The following FAM3A variants were observed in gnomAD, a reference collection of about 807,000 sequenced individuals.
The protein encoded by FAM3A is protein FAM3A.
In FAM3A, 5 loss-of-function variants were observed where a neutral mutation model predicts 18.1. That is an observed-to-expected ratio of 0.28 (90% CI 0.14 to 0.58). The LOEUF (loss-of-function observed/expected upper bound fraction) is 0.58, where lower values mean the gene tolerates loss of function less well. Among genes scored for constraint, FAM3A ranks in the 20% least tolerant of loss-of-function variants. The pLI is 0.91. For missense variants in FAM3A, 154 were observed against 216.6 expected (o/e 0.71, Z 1.81); for synonymous variants, 108 against 90.2 (o/e 1.20, Z -1.12).
At position 154,512,854 on chromosome X, in the gene FAM3A, A is replaced by C; in HGVS notation, c.96T>G (p.Ser32Arg). 1 of 1,210,352 alleles carries C rather than the reference A, an allele frequency of 8.3e-7. No individual in the cohort carries two copies. The highest frequency in any genetic ancestry group is 1.1e-6 in the Non-Finnish European group (1 of 893,985). Residue 32 changes from serine to arginine, a missense_variant, in exon 2 of 9, where the codon AGT becomes AGG. Ser to Arg is a moderately radical substitution (Grantham distance 110). Around this residue, in one of 3 missense-constraint regions of FAM3A, gnomAD observed 112 missense variants for 160.0 expected, o/e 0.70. Coordinates refer to ENST00000447601, the MANE Select transcript of FAM3A (RefSeq NM_021806.4). ...VVSILLGGPGSGFPRIQQLFT... is the reference protein window; with the variant it reads ...VVSILLGGPGRGFPRIQQLFT... The stretch of plus-strand genomic sequence containing the variant: ...AGAGTTGCTGGATGCGAGGAAAGCC[A>C]CTGCCAGGCCCACCCAGGAGGATGC...
chrX:154,506,627 CAGCCCCCAT>C lies in FAM3A; in HGVS notation c.*175_*183del. The stretch of plus-strand genomic sequence containing the variant: ...CAAAGTGCGGCAGGGCTACCCCCTG[CAGCCCCCAT>C]AGCCCCCACCACCTTGAGACCACGT... On this transcript the variant is annotated 3_prime_UTR_variant, in exon 9 of 9. Coordinates refer to ENST00000447601, the MANE Select transcript of FAM3A (RefSeq NM_021806.4). 2.3e-6 allele frequency: 1 copy of C among 438,767 alleles called. No individual in the cohort carries two copies. Among genetic ancestry groups the C allele is most frequent in the Non-Finnish European group, 4.0e-6 (1 of 250,382 alleles). The allele number at this position is 438,767 out of a possible 1,213,427, so 36.2% of individuals were successfully genotyped here.
At chrX:154,507,138 G>A (rs1020310819) in intron 8 of FAM3A, 65 bp downstream of exon 8, 72 of 1,149,340 alleles carry the variant, frequency 6.3e-5, no homozygotes, top group Admixed American at 2.1e-4. Flanking sequence ...GGGGAGGCTC[G>A]TCGCATGCAG....
chrX:154,507,680 C>A (rs1462945089), intron 6 of FAM3A, 131 bp downstream of exon 6: 17 of 843,131 alleles, frequency 2.0e-5, no homozygotes, highest in Admixed American at 5.3e-5. Flanking sequence ...GCTGGCGATG[C>A]CCCTGTCCTT....
intron 6 of FAM3A, 145 bp downstream of exon 6, chrX:154,507,666 C>G (rs904584906): frequency 3.6e-6 from 3 of 822,986 alleles, no homozygotes; most frequent in Admixed American, 5.3e-5. Flanking sequence ...AGCCTCCAGA[C>G]CAAGCTGGCG....
intron 3 of FAM3A, chrX:154,509,469 G>A (rs1190493680): frequency 8.8e-6 from 1 of 113,311 alleles, no homozygotes; most frequent in African/African-American, 3.2e-5. Context: ...AGGAAGTGTG[G>A]TGCTTAGGTA....
chrX:154,507,554 C>G, intron 6 of FAM3A, 64 bp from the exon 7 acceptor site: 3 of 1,081,166 alleles, frequency 2.8e-6, no homozygotes, highest in Non-Finnish European at 3.8e-6. Flanking sequence ...CCCACAAGCC[C>G]GTTCTCCAAA....
intron 1 of FAM3A, among the ~76,000 whole-genome samples, chrX:154,514,367 C>T (rs1327098907): frequency 2.7e-5 from 3 of 111,249 alleles, no homozygotes; most frequent in Non-Finnish European, 5.7e-5. Flanking sequence ...CCTCAGCCTC[C>T]CAAGTAGCTG....
At chrX:154,511,781 C>G in intron 3 of FAM3A, 67 bp downstream of exon 3, 1 of 1,074,291 alleles carries the variant, frequency 9.3e-7, no homozygotes, top group Non-Finnish European at 1.3e-6. Flanking sequence ...AAACCGAAGC[C>G]CTACGGGACC....
At chrX:154,515,632 G>A (rs2148318074) in intron 1 of FAM3A, 128 bp downstream of exon 1, 2 of 707,416 alleles carry the variant, frequency 2.8e-6, no homozygotes, top group Non-Finnish European at 2.3e-6. Context: ...TGTTTGTGCA[G>A]AGTCCTCCAT....
chrX:154,508,793 A>T, intron 3 of FAM3A, 196 bp from the exon 4 acceptor site: 1 of 537,301 alleles, frequency 1.9e-6, no homozygotes, highest in Non-Finnish European at 3.3e-6. Context: ...GGGACCCAAG[A>T]CAGAAGGATT....
chrX:154,511,484 G>T, intron 3 of FAM3A: 1 of 192,952 alleles, frequency 5.2e-6, no homozygotes, highest in Non-Finnish European at 9.7e-6. Flanking sequence ...TCAGAGCATG[G>T]GTCATTCCAG....
Position 154,508,278 on chromosome X carries a change from AG to A in FAM3A, c.334+10del. The A allele has an allele frequency of 9.5e-7, 1 of 1,051,571 alleles. No homozygotes were observed. The allele number at this position is 1,051,571 out of a possible 1,213,427, so 86.7% of individuals were successfully genotyped here. ...GGAGGGCGGCAGGCCACGCTCAGCC[AG>A]GGGCCTCACCGTTCACCAGGGCGAT... On this transcript the variant is annotated intron_variant, in intron 5 of 8. Coordinates refer to ENST00000447601, the MANE Select transcript of FAM3A (RefSeq NM_021806.4).
chrX:154,514,159 C>T (rs1348889238), intron 1 of FAM3A, among the ~76,000 whole-genome samples: 3 of 111,699 alleles, frequency 2.7e-5, no homozygotes, highest in Admixed American at 9.5e-5. Flanking sequence ...TTAGTTAGAT[C>T]GTCTCCTCTA....
intron 3 of FAM3A, chrX:154,508,880 G>T (rs781830442): frequency 3.9e-5 from 17 of 432,048 alleles, no homozygotes; most frequent in Non-Finnish European, 7.0e-5. Context: ...CAAAGCAGGG[G>T]TGAAGTAAGT....
At chrX:154,509,799 C>T (rs186039473) in intron 3 of FAM3A, 2 of 112,210 alleles carry the variant, frequency 1.8e-5, no homozygotes, top group Non-Finnish European at 3.8e-5. Context: ...GCCCTCATGA[C>T]GTAACTACCT....
chrX:154,516,082 G>C lies in FAM3A; in HGVS notation c.-310C>G, dbSNP rs2070178278. 2 of 257,517 alleles carry C rather than the reference G, an allele frequency of 7.8e-6. No individual in the cohort carries two copies. The highest frequency in any genetic ancestry group is 6.4e-5 in the Admixed American group (1 of 15,720). 21.2% of individuals were successfully genotyped at this position (257,517 alleles called of 1,213,427 possible). Reference sequence around the variant, plus strand: ...GCTCGGGCCGTTCCTCCGGGCCTGGGGGCTGGCGATGCGGGCCGGGCCGGA... The same window carrying C: ...GCTCGGGCCGTTCCTCCGGGCCTGGCGGCTGGCGATGCGGGCCGGGCCGGA... On this transcript the variant is annotated 5_prime_UTR_variant, in exon 1 of 9. Transcript: ENST00000447601.
chrX:154,514,278 T>C (rs782200585), intron 1 of FAM3A, among the ~76,000 whole-genome samples: 1 of 111,925 alleles, frequency 8.9e-6, no homozygotes, highest in East Asian at 2.8e-4. Flanking sequence ...AGTCTTGCTC[T>C]TGCCCCCCAG....
chrX:154,509,572 C>T (rs1457517349), intron 3 of FAM3A: 1 of 111,795 alleles, frequency 8.9e-6, no homozygotes, highest in African/African-American at 3.3e-5. Flanking sequence ...CAGAATACCA[C>T]AGACTGGGTA....
rs1224347568 is a variant in FAM3A at position 154,516,182 on chromosome X, CG to C, written c.-411del. 4.7e-5 allele frequency: 6 copies of C among 129,001 alleles called. No individual in the cohort carries two copies. Among genetic ancestry groups the C allele is most frequent in the Non-Finnish European group, 1.6e-5 (1 of 64,364 alleles). 10.6% of individuals were successfully genotyped at this position (129,001 alleles called of 1,213,427 possible). A position where few individuals can be genotyped will look rare whatever the true frequency, so the allele number is the denominator to read the frequency against. ...TCAGGCCCGCCGACCCGCTCCGCCCCGGGAGAGGACGCAAGGCCGCTGCGCA... is the reference window on the plus strand; with the variant it reads ...TCAGGCCCGCCGACCCGCTCCGCCCCGGAGAGGACGCAAGGCCGCTGCGCA... On this transcript the variant is annotated 5_prime_UTR_variant, in exon 1 of 9. Coordinates refer to ENST00000447601, the MANE Select transcript of FAM3A (RefSeq NM_021806.4).
Sources: allele counts gnomAD v4.1 joint callset (sites outside exome capture counted in the v4.1 genomes callset), GRCh38; gene constraint gnomAD v4.1.1; regional missense constraint gnomAD v4.1.1; transcripts MANE v1.5; gene names NCBI Gene and HGNC (gene_info 2026-07-23, HGNC 2026-07-21).